CARNS1: variants seen among roughly 807,000 people sequenced by gnomAD.
The protein encoded by CARNS1 is ATP-grasp domain containing 1.
Under a neutral mutation model 74.0 loss-of-function variants are expected in CARNS1, and 61 were observed. The observed-to-expected ratio is 0.82, with a 90% CI of 0.67 to 1.02. CARNS1 has a LOEUF of 1.02. Ranked by LOEUF, CARNS1 falls within the 50% of genes least tolerant of loss-of-function variation. The probability of loss-of-function intolerance (pLI) is 0.00; values close to 1 mark genes in which losing one functional copy is unlikely to be tolerated. For synonymous variants in CARNS1, 568 were observed against 605.5 expected (o/e 0.94, Z 0.91); for missense variants, 1,278 against 1,308.4 (o/e 0.98, Z 0.36).
In CARNS1 at chr11:67,415,680, T is replaced by TGTGCCA. The variant is rs1849220340; in HGVS notation, c.-107_-102dup. 6.5e-6 allele frequency: 1 copy of TGTGCCA among 153,064 alleles called. No individual in the cohort carries two copies. The highest frequency in any genetic ancestry group is 2.4e-5 in the African/African-American group (1 of 41,242). The allele number at this position is 153,064 out of a possible 1,614,324, so 9.5% of individuals were successfully genotyped here. ...AAGCGGCGCCGCTTGGGCCGGGCGC[T>TGTGCCA]GTGCCACTGCCACCGCCGCCGCCGC... On this transcript the variant is annotated 5_prime_UTR_variant, in exon 1 of 10. Transcript: ENST00000687366.
chr11:67,419,546 G>C lies in CARNS1; in HGVS notation c.912G>C (p.Pro304=), dbSNP rs374499029. 5.7e-4 allele frequency: 918 copies of C among 1,607,604 alleles called. 2 individuals are homozygous for C. The highest frequency in any genetic ancestry group is 7.0e-4 in the Non-Finnish European group (830 of 1,178,632). ...WRGRQAWRLH[P]RAELGAVVDT... ...GGCGGCAGGCATGGCGTCTGCACCCGCGGGCAGAGCTGGGTGCAGTGGTGG... is the reference window on the plus strand; with the variant it reads ...GGCGGCAGGCATGGCGTCTGCACCCCCGGGCAGAGCTGGGTGCAGTGGTGG... Residue 304 remains proline (P), a synonymous_variant, in exon 6 of 10, where the codon CCG becomes CCC. Transcript: ENST00000687366.
intron 7 of CARNS1, 124 bp downstream of exon 7, chr11:67,419,962 G>A (rs933549493): frequency 1.2e-5 from 11 of 940,064 alleles, no homozygotes; most frequent in Admixed American, 6.8e-5. Flanking sequence ...TAGGGGGGTC[G>A]TAGTTGCCTC....
chr11:67,416,183 G>A lies in CARNS1; in HGVS notation c.-17G>A, dbSNP rs1863540921. 6.6e-7 allele frequency: 1 copy of A among 1,523,432 alleles called. No individual in the cohort carries two copies. Among genetic ancestry groups the A allele is most frequent in the African/African-American group, 1.4e-5 (1 of 72,710 alleles). 94.4% of individuals were successfully genotyped at this position (1,523,432 alleles called of 1,614,324 possible). On this transcript the variant is annotated 5_prime_UTR_variant, in exon 2 of 10. Coordinates refer to ENST00000687366, the MANE Select transcript of CARNS1 (RefSeq NM_001166222.2). ...CTCTGTCTCTGCCATCAGTCTCTCA[G>A]CCACTCCACCCACGAGATGGTGAGT...
intron 9 of CARNS1, among the ~76,000 whole-genome samples, chr11:67,421,590 C>A (rs1863708199): frequency 6.6e-6 from 1 of 152,128 alleles, no homozygotes; most frequent in Non-Finnish European, 1.5e-5. Context: ...AAAGGGCGGG[C>A]CCTTTGAGGT....
rs1235915100 is a variant in CARNS1 at position 67,418,449 on chromosome 11, T to C, written c.293T>C (p.Val98Ala). The change falls in exon 4 of 10, where the codon GTG (valine) becomes GCG (alanine). Residue 98 changes from valine (V) to alanine (A), a missense_variant. This residue lies in a region of CARNS1 where 10 missense variants were observed against 24.7 expected (regional missense o/e 0.41). Transcript: ENST00000687366. ...VPRTGCPGAEVTLCVLGSPST... is the reference protein window; with the variant it reads ...VPRTGCPGAEATLCVLGSPST... ...TCCCGAGGCTGTCCTGGGGCGGAGG[T>C]GACCTTGTGCGTTCTGGGCTCCCCC... 1.4e-6 allele frequency: 2 copies of C among 1,458,546 alleles called. No individual in the cohort carries two copies. Among genetic ancestry groups the C allele is most frequent in the Non-Finnish European group, 1.8e-6 (2 of 1,108,792 alleles). The allele number at this position is 1,458,546 out of a possible 1,614,324, so 90.4% of individuals were successfully genotyped here.
At position 67,423,782 on chromosome 11, in the gene CARNS1, CG is replaced by C. The variant is rs1266451584; in HGVS notation, c.2038del (p.Ala680GlnfsTer9). 6 of 1,598,462 alleles carry C rather than the reference CG, an allele frequency of 3.8e-6. No individual in the cohort carries two copies. The highest frequency in any genetic ancestry group is 5.1e-6 in the Non-Finnish European group (6 of 1,176,568). ...PLPGVMKLEF[G>X]AGAVGVRLVE... is the part of the protein sequence containing the mutation. The stretch of plus-strand genomic sequence containing the variant: ...TGCCAGGTGTCATGAAGCTGGAGTT[CG>C]GGGCAGGTGCAGTGGGTGTCCGGCT... On this transcript the variant is annotated frameshift_variant, in exon 10 of 10. Coordinates refer to ENST00000687366, the MANE Select transcript of CARNS1 (RefSeq NM_001166222.2). LOFTEE classifies it high-confidence loss of function. The surrounding 1 kb of genome is among the most constrained non-coding windows in gnomAD (Gnocchi z 5.1).
Position 67,424,770 on chromosome 11 carries a change from C to T in CARNS1, c.*169C>T. The T allele has an allele frequency of 1.3e-6, 1 of 757,018 alleles. No homozygotes were observed. Among genetic ancestry groups the T allele is most frequent in the East Asian group, 2.7e-5 (1 of 37,152 alleles). The allele number at this position is 757,018 out of a possible 1,614,324, so 46.9% of individuals were successfully genotyped here. On this transcript the variant is annotated 3_prime_UTR_variant, in exon 10 of 10. Coordinates refer to ENST00000687366, the MANE Select transcript of CARNS1 (RefSeq NM_001166222.2). ...CAGCAGGGCAATTTAGACACCAAGG[C>T]ATCCTGGACTCAAGGGCCTCTTGCC...
At chr11:67,415,941 G>T (rs916840786) in intron 1 of CARNS1, 178 bp downstream of exon 1, 16 of 405,112 alleles carry the variant, frequency 3.9e-5, no homozygotes, top group Non-Finnish European at 5.4e-5. Flanking sequence ...GCAGAGCCAA[G>T]CCCGGACCCC....
intron 2 of CARNS1, 76 bp from the exon 3 acceptor site, chr11:67,417,331 G>T: frequency 7.9e-7 from 1 of 1,273,328 alleles, no homozygotes; most frequent in Non-Finnish European, 9.9e-7. Context: ...GGGAGAGTGG[G>T]GGGCTTACAC....
chr11:67,419,314 G>A, intron 5 of CARNS1, 71 bp downstream of exon 5: 1 of 1,467,736 alleles, frequency 6.8e-7, no homozygotes, highest in Non-Finnish European at 9.0e-7. Flanking sequence ...CGGTTACCAA[G>A]TCTGGCTGGA....
In CARNS1 at chr11:67,419,596, A is replaced by C; in HGVS notation, c.962A>C (p.Lys321Thr). ...GACACAGTGCTGGCGCTGCTGGAGA[A>C]GCTGGAGGAGGAGGAGAGTGTCCTG... Reference protein sequence around the residue: ...VVDTVLALLEKLEEEESVLVE... With the variant: ...VVDTVLALLETLEEEESVLVE... The change falls in exon 6 of 10, where the codon AAG becomes ACG. Residue 321 changes from lysine (K) to threonine (T), a missense_variant. Around this residue, in one of 3 missense-constraint regions of CARNS1, gnomAD observed 1,164 missense variants for 1,156.5 expected, o/e 1.01. Coordinates refer to ENST00000687366, the MANE Select transcript of CARNS1 (RefSeq NM_001166222.2). 6.2e-7 allele frequency: 1 copy of C among 1,605,104 alleles called. No homozygotes were observed. Among genetic ancestry groups the C allele is most frequent in the Non-Finnish European group, 8.5e-7 (1 of 1,177,370 alleles).
At chr11:67,422,026 C>T (rs529639273) in intron 9 of CARNS1, among the ~76,000 whole-genome samples, 19 of 152,030 alleles carry the variant, frequency 1.2e-4, no homozygotes, top group African/African-American at 4.1e-4. Context: ...GGACTACAGG[C>T]GCCCGCCACC....
rs766906214 is a variant in CARNS1 at position 67,424,377 on chromosome 11, G to T, written c.2629G>T (p.Ala877Ser). 1 of 1,594,938 alleles carries T rather than the reference G, an allele frequency of 6.3e-7. No homozygotes were observed. The highest frequency in any genetic ancestry group is 1.8e-5 in the Admixed American group (1 of 57,032). The change falls in exon 10 of 10, where the codon GCC becomes TCC. Residue 877 changes from alanine to serine, a missense_variant. Ala to Ser is a moderately conservative substitution (Grantham distance 99). Coordinates refer to ENST00000687366, the MANE Select transcript of CARNS1 (RefSeq NM_001166222.2). ...GCACCTGCAGGCCCTGAGTTCCACC[G>T]CCAGCCGTGAGACCCTGCAGGCCCT... ...SQHLQALSST[A>S]SRETLQALHD...
rs1457077863 is a variant in CARNS1 at position 67,421,059 on chromosome 11, T to TGGGGCCG, written c.1468_1474dup (p.Ala492GlyfsTer76). The TGGGGCCG allele has an allele frequency of 1.5e-5, 21 of 1,359,524 alleles. No homozygotes were observed. Among genetic ancestry groups the TGGGGCCG allele is most frequent in the Non-Finnish European group, 2.8e-6 (3 of 1,067,208 alleles). 84.2% of individuals were successfully genotyped at this position (1,359,524 alleles called of 1,614,324 possible). On this transcript the variant is annotated frameshift_variant, in exon 9 of 10. Transcript: ENST00000687366. LOFTEE classifies it high-confidence loss of function. Reference sequence around the variant, plus strand: ...GAGGGGCTGTGGGCCGCGCCGCGGCTGGGGCCGGCGGCCGACGAGGCGGTG... The same window carrying TGGGGCCG: ...GAGGGGCTGTGGGCCGCGCCGCGGCTGGGGCCGGGGGCCGGCGGCCGACGAGGCGGTG...
chr11:67,417,287 C>A (rs1031525862), intron 2 of CARNS1, 120 bp from the exon 3 acceptor site: 2 of 1,242,738 alleles, frequency 1.6e-6, no homozygotes, highest in Non-Finnish European at 2.0e-6. Flanking sequence ...TCCTAGTCCC[C>A]GGGACGGTGT....
chr11:67,416,497 G>C (rs1201780841), intron 2 of CARNS1: 3 of 1,270,414 alleles, frequency 2.4e-6, no homozygotes, highest in Admixed American at 3.6e-5. Context: ...ATGAGGCCCA[G>C]TCCTCTGCCG....
chr11:67,418,474 C>T lies in CARNS1; in HGVS notation c.318C>T (p.Pro106=), dbSNP rs373811431. 6.7e-7 allele frequency: 1 copy of T among 1,492,926 alleles called. No individual in the cohort carries two copies. The highest frequency in any genetic ancestry group is 8.9e-7 in the Non-Finnish European group (1 of 1,125,192). 92.5% of individuals were successfully genotyped at this position (1,492,926 alleles called of 1,614,324 possible). A position where few individuals can be genotyped will look rare whatever the true frequency, so the allele number is the denominator to read the frequency against. ...TGACCTTGTGCGTTCTGGGCTCCCC[C>T]AGCACCTTTCTGCCTGTGCTGCTGG... The part of the protein sequence containing the change: ...AEVTLCVLGS[P]STFLPVLLEG... Residue 106 remains proline, a synonymous_variant, in exon 4 of 10, where the codon CCC becomes CCT. Coordinates refer to ENST00000687366, the MANE Select transcript of CARNS1 (RefSeq NM_001166222.2).
In CARNS1 at chr11:67,417,423, C is replaced by T. The variant is rs1435407075; in HGVS notation, c.20C>T (p.Ser7Leu). ...CCCTCTCAGCTCTCCCTGGATCCAT[C>T]GGGTCCCGAGTGGGATTGCCCACTG... The part of the protein sequence containing the change: MLSLDP[S>L]GPEWDCPLGS... Residue 7 changes from serine to leucine, a missense_variant, in exon 3 of 10, where the codon TCG (serine) becomes TTG (leucine). Around this residue, in one of 3 missense-constraint regions of CARNS1, gnomAD observed 104 missense variants for 127.3 expected, o/e 0.82. Transcript: ENST00000687366. 4.4e-5 allele frequency: 61 copies of T among 1,390,234 alleles called. No individual in the cohort carries two copies. Among genetic ancestry groups the T allele is most frequent in the Non-Finnish European group, 5.3e-5 (57 of 1,072,806 alleles). The allele number at this position is 1,390,234 out of a possible 1,614,324, so 86.1% of individuals were successfully genotyped here.
At chr11:67,420,870 G>C in intron 8 of CARNS1, 30 bp downstream of exon 8, 1 of 1,286,960 alleles carries the variant, frequency 7.8e-7, no homozygotes. Flanking sequence ...GCCGGGGCCG[G>C]GAGCCGAGGG....
Sources: gnomAD v4.1 joint callset for allele counts (sites outside exome capture counted in the v4.1 genomes callset) on GRCh38, gnomAD v4.1.1 for gene constraint, gnomAD v4.1.1 regional missense constraint, Gnocchi (gnomAD v3.1) non-coding constraint, MANE v1.5 for transcripts, NCBI Gene and HGNC (gene_info 2026-07-23, HGNC 2026-07-21) for gene names.